The following ROR1 variants were observed in gnomAD, a reference collection of about 807,000 sequenced individuals.
ROR1 encodes ROR family WNT receptor 1.
Under a neutral mutation model 78.8 loss-of-function variants are expected in ROR1, and 19 were observed. That is an observed-to-expected ratio of 0.24 (90% CI 0.17 to 0.35). The LOEUF is 0.35. ROR1 is among the 10% of genes least tolerant of loss of function. The pLI is 1.00. For missense variants in ROR1, 917 were observed against 1,177.8 expected, an observed-to-expected ratio of 0.78 and a Z score of 3.24; for synonymous variants, 386 against 433.6, an observed-to-expected ratio of 0.89 and a Z score of 1.36.
At chr1:63,971,829 G>T (rs1231710276) in intron 1 of ROR1, among the ~76,000 whole-genome samples, 1 of 152,162 alleles carries the variant, frequency 6.6e-6, no homozygotes, top group Non-Finnish European at 1.5e-5. Flanking sequence ...CTCCAGGAAA[G>T]TCAGCAGATG....
chr1:63,775,783 G>A (rs1644613049), intron 1 of ROR1, among the ~76,000 whole-genome samples: 1 of 152,204 alleles, frequency 6.6e-6, no homozygotes, highest in Admixed American at 6.5e-5. Flanking sequence ...AGCTAGAGTA[G>A]CATTTTCTGA....
intron 1 of ROR1, among the ~76,000 whole-genome samples, chr1:63,841,993 C>T (rs1645052421): frequency 6.6e-6 from 1 of 152,164 alleles, no homozygotes; most frequent in African/African-American, 2.4e-5. Context: ...CACTATGCCT[C>T]ATTATATATT....
At chr1:64,036,374 T>C (rs1260814) in intron 2 of ROR1, among the ~76,000 whole-genome samples, 1 of 151,992 alleles carries the variant, frequency 6.6e-6, no homozygotes, top group African/African-American at 2.4e-5. Context: ...AAGTTCTTTA[T>C]GTTTATTTTT....
At chr1:63,986,657 T>G (rs939778229) in intron 1 of ROR1, among the ~76,000 whole-genome samples, 11 of 151,774 alleles carry the variant, frequency 7.2e-5, no homozygotes, top group African/African-American at 2.7e-4. Flanking sequence ...CTTTGGGAGG[T>G]GGAGGTGAGA....
chr1:63,825,148 C>T (rs1250483959), intron 1 of ROR1, among the ~76,000 whole-genome samples: 1 of 152,150 alleles, frequency 6.6e-6, no homozygotes, highest in Non-Finnish European at 1.5e-5. Flanking sequence ...TTAAACTTAG[C>T]ATATGACCCA....
chr1:63,975,150 C>T (rs1487041603), intron 1 of ROR1, among the ~76,000 whole-genome samples: 1 of 152,116 alleles, frequency 6.6e-6, no homozygotes, highest in Non-Finnish European at 1.5e-5. Flanking sequence ...CATCTTCTCA[C>T]GTTCTTTGGA....
intron 2 of ROR1, among the ~76,000 whole-genome samples, chr1:64,015,430 C>T (rs1029321286): frequency 5.9e-5 from 9 of 152,144 alleles, no homozygotes; most frequent in African/African-American, 1.4e-4. Context: ...CCTCTTCCCT[C>T]GAAGCTTCAC....
At chr1:64,067,904 G>A (rs1646972166) in intron 4 of ROR1, among the ~76,000 whole-genome samples, 1 of 151,832 alleles carries the variant, frequency 6.6e-6, no homozygotes, top group African/African-American at 2.4e-5. Context: ...AGTAGAGACG[G>A]GGTTTCACTG....
At chr1:63,978,028 C>A (rs955546532) in intron 1 of ROR1, among the ~76,000 whole-genome samples, 1 of 152,172 alleles carries the variant, frequency 6.6e-6, no homozygotes, top group South Asian at 2.1e-4. Flanking sequence ...GGACCATCAA[C>A]AACAGGCCCC....
At chr1:63,832,232 T>G (rs1236178933) in intron 1 of ROR1, among the ~76,000 whole-genome samples, 1 of 152,222 alleles carries the variant, frequency 6.6e-6, no homozygotes, top group Non-Finnish European at 1.5e-5. Context: ...TTTTTTATTC[T>G]CTGCCCGTTA....
chr1:64,138,916 A>G (rs1298780835), intron 5 of ROR1, among the ~76,000 whole-genome samples: 1 of 152,062 alleles, frequency 6.6e-6, no homozygotes, highest in African/African-American at 2.4e-5. Flanking sequence ...TAATCCCAGC[A>G]CTTTGGGAAG....
At chr1:63,823,445 CT>C (rs11374055) in intron 1 of ROR1, among the ~76,000 whole-genome samples, 8 of 106,148 alleles carry the variant, frequency 7.5e-5, no homozygotes, top group African/African-American at 1.5e-4. Context: ...ACAGACATTA[CT>C]TTTTTTTTTT....
chr1:63,845,334 A>G (rs1645074137), intron 1 of ROR1, among the ~76,000 whole-genome samples: 1 of 152,176 alleles, frequency 6.6e-6, no homozygotes, highest in South Asian at 2.1e-4. Flanking sequence ...TCATTTTTTA[A>G]CTTTGAAATA....
intron 1 of ROR1, among the ~76,000 whole-genome samples, chr1:63,945,118 T>C (rs1569953314): frequency 6.6e-6 from 1 of 152,298 alleles, no homozygotes; most frequent in Middle Eastern, 3.4e-3. Flanking sequence ...GGCCTGAGAA[T>C]GCAAATTATG....
rs576003207 is a variant in ROR1, at chr1:64,086,947, G to A, written c.482+36231G>A. Among the ~76,000 whole-genome samples the A allele has an allele frequency of 4.2e-4, 64 of 152,274 alleles. No homozygotes were observed. The South Asian group carries it at 0.013, about 31-fold the overall frequency. On this transcript the variant is annotated intron_variant, in intron 4 of 8. Coordinates refer to ENST00000371079, the MANE Select transcript of ROR1 (RefSeq NM_005012.4). ...AAACTTGCCCGAGTTCTTAGAGTCA[G>A]TAAGAAGAAAAGCTAGGATTCTGCC...
At chr1:64,015,590 T>A (rs1024437486) in intron 2 of ROR1, among the ~76,000 whole-genome samples, 1 of 152,166 alleles carries the variant, frequency 6.6e-6, no homozygotes, top group East Asian at 1.9e-4. Flanking sequence ...CTAGTCAGAA[T>A]GGGGTGACTG....
chr1:64,079,470 A>ATTTTTTTTTTTTTTTTT (rs71056020), intron 4 of ROR1, among the ~76,000 whole-genome samples: 1 of 146,280 alleles, frequency 6.8e-6, no homozygotes. Context: ...CTTGATTGGG[A>ATTTTTTTTTTTTTTTTT]TTTTTTTTTT....
intron 4 of ROR1, among the ~76,000 whole-genome samples, chr1:64,090,152 T>G (rs1647184561): frequency 6.6e-6 from 1 of 152,170 alleles, no homozygotes; most frequent in Admixed American, 6.6e-5. Context: ...GAGAACAGAT[T>G]AATACAGAAG....
rs190155442 is a variant in ROR1 at position 64,044,285 on chromosome 1, G to T, written c.164-5406G>T. ...TGATGGAAACAGCGCTGGGCTTGGTGTCCAAATCCTGGCTTTGCCTTTTAT... is the reference window on the plus strand; with the variant it reads ...TGATGGAAACAGCGCTGGGCTTGGTTTCCAAATCCTGGCTTTGCCTTTTAT... On this transcript the variant is annotated intron_variant, in intron 2 of 8. Coordinates refer to ENST00000371079, the MANE Select transcript of ROR1 (RefSeq NM_005012.4). Among the ~76,000 whole-genome samples, 7 of 152,304 alleles carry T rather than the reference G, an allele frequency of 4.6e-5. No homozygotes were observed. The East Asian group carries it at 1.2e-3, about 25-fold the overall frequency.
Sources: allele counts gnomAD v4.1 joint callset (sites outside exome capture counted in the v4.1 genomes callset), GRCh38; gene constraint gnomAD v4.1.1; transcripts MANE v1.5; gene names NCBI Gene and HGNC (gene_info 2026-07-23, HGNC 2026-07-21).